The following PLEKHH2 variants were observed in gnomAD, a reference collection of about 807,000 sequenced individuals.
PLEKHH2 encodes the protein pleckstrin homology, MyTH4 and FERM domain containing H2.
In PLEKHH2, 129 loss-of-function variants were observed where a neutral mutation model predicts 187.9. The ratio of observed to expected loss-of-function variants is 0.69; its 90% CI spans 0.59 to 0.79. The LOEUF (loss-of-function observed/expected upper bound fraction) is 0.79. Ranked by LOEUF, PLEKHH2 falls within the 30% of genes least tolerant of loss-of-function variation. The probability of loss-of-function intolerance (pLI) is 0.00; values close to 1 mark genes in which losing one functional copy is unlikely to be tolerated. For missense variants in PLEKHH2, 2,076 were observed against 1,751.2 expected (o/e 1.19, Z -3.31); for synonymous variants, 686 against 605.6 (o/e 1.13, Z -1.95).
At chr2:43,747,092 G>GTCTCTCTCTCTCTCTCTCTCTCTC (rs539728000) in intron 24 of PLEKHH2, among the ~76,000 whole-genome samples, 1 of 130,748 alleles carries the variant, frequency 7.6e-6, no homozygotes, top group Non-Finnish European at 1.7e-5. Flanking sequence ...CTTTCTTTCT[G>GTCTCTCTCTCTCTCTCTCTCTCTC]TCTCTCTCTC....
chr2:43,764,334 A>C lies in PLEKHH2; in HGVS notation c.4265A>C (p.Glu1422Ala). ...NNTHSKDKPT[E>A]KLLFAMAKPK... ...ACACATTCAAAGGACAAACCAACAG[A>C]GAAATTACTTTTTGCCATGGCAAAA... The change falls in exon 29 of 30, where the codon GAG (glutamate) becomes GCG (alanine). Residue 1422 changes from glutamate (E) to alanine (A), a missense_variant. Transcript: ENST00000282406. 1 of 1,612,838 alleles carries C rather than the reference A, an allele frequency of 6.2e-7. No homozygotes were observed.
chr2:43,743,020 T>A lies in PLEKHH2; in HGVS notation c.3399+102T>A, dbSNP rs1671640191. 1.7e-5 allele frequency: 15 copies of A among 873,386 alleles called. No individual in the cohort carries two copies. In the South Asian group the frequency reaches 4.7e-4, roughly 28 times the overall value. The allele number at this position is 873,386 out of a possible 1,614,324, so 54.1% of individuals were successfully genotyped here. Reference sequence around the variant, plus strand: ...GCTTACTTTTGTCAGCACCTGGCAGTGACAAACATGCAAATATATTAGATT... The same window carrying A: ...GCTTACTTTTGTCAGCACCTGGCAGAGACAAACATGCAAATATATTAGATT... On this transcript the variant is annotated intron_variant, in intron 22 of 29. Coordinates refer to ENST00000282406, the MANE Select transcript of PLEKHH2 (RefSeq NM_172069.4).
At chr2:43,718,109 A>G (rs1196365238) in intron 15 of PLEKHH2, among the ~76,000 whole-genome samples, 1 of 152,152 alleles carries the variant, frequency 6.6e-6, no homozygotes, top group Non-Finnish European at 1.5e-5. Flanking sequence ...AATAGAAACT[A>G]CCTTTGTCAT....
chr2:43,700,442 A>AC lies in PLEKHH2; in HGVS notation c.1485dup (p.Ser496GlnfsTer13). 1 of 1,614,082 alleles carries AC rather than the reference A, an allele frequency of 6.2e-7. No individual in the cohort carries two copies. The highest frequency in any genetic ancestry group is 8.5e-7 in the Non-Finnish European group (1 of 1,180,004). ...ACTGATCTTGATCTAGTTGATGGAG[A>AC]CAGTACAGAAGTTTTAGAGAATATG... On this transcript the variant is annotated frameshift_variant, in exon 8 of 30. Coordinates refer to ENST00000282406, the MANE Select transcript of PLEKHH2 (RefSeq NM_172069.4). LOFTEE classifies it high-confidence loss of function.
intron 2 of PLEKHH2, among the ~76,000 whole-genome samples, chr2:43,674,909 C>T (rs1023516024): frequency 5.9e-5 from 9 of 151,320 alleles, no homozygotes; most frequent in African/African-American, 1.5e-4. Context: ...CACTTGAACC[C>T]GGGAGGCGGA....
Position 43,765,631 on chromosome 2 carries a change from C to T in PLEKHH2, c.*33C>T, listed in dbSNP as rs757774289. The T allele has an allele frequency of 2.5e-6, 4 of 1,598,014 alleles. No individual in the cohort carries two copies. The highest frequency in any genetic ancestry group is 2.3e-5 in the South Asian group (2 of 88,586). ...GGAGCCTGAACATTCACTCCTTGTC[C>T]TCCATGCTGTGGCTGTATCAGCTCC... On this transcript the variant is annotated 3_prime_UTR_variant, in exon 30 of 30. Transcript: ENST00000282406.
At chr2:43,745,274 C>T (rs964301911) in intron 23 of PLEKHH2, among the ~76,000 whole-genome samples, 4 of 152,092 alleles carry the variant, frequency 2.6e-5, no homozygotes, top group African/African-American at 4.8e-5. Context: ...TGAGATCGTG[C>T]CACTGTACTT....
chr2:43,704,831 A>T (rs1572588750), intron 9 of PLEKHH2, among the ~76,000 whole-genome samples: 1 of 152,060 alleles, frequency 6.6e-6, no homozygotes, highest in South Asian at 2.1e-4. Context: ...ACTTTCAAAA[A>T]ATGATTTCTA....
intron 3 of PLEKHH2, chr2:43,681,674 A>G (rs907438745): frequency 1.0e-5 from 6 of 588,208 alleles, no homozygotes; most frequent in Non-Finnish European, 1.8e-5. Context: ...TCACTCAACC[A>G]AACGCTCTTA....
At chr2:43,704,444 G>A (rs1041417089) in intron 9 of PLEKHH2, among the ~76,000 whole-genome samples, 5 of 152,052 alleles carry the variant, frequency 3.3e-5, no homozygotes, top group Admixed American at 1.3e-4. Context: ...GACAGATCAC[G>A]AAGTCAGGAG....
At position 43,644,695 on chromosome 2, in the gene PLEKHH2, G is replaced by T. The variant is rs1318299375; in HGVS notation, c.22G>T (p.Glu8Ter). 1 of 1,602,486 alleles carries T rather than the reference G, an allele frequency of 6.2e-7. No individual in the cohort carries two copies. Among genetic ancestry groups the T allele is most frequent in the Non-Finnish European group, 8.5e-7 (1 of 1,173,314 alleles). Residue 8 changes from glutamate to a stop codon, truncating the protein, a stop_gained, in exon 2 of 30, where the codon GAG becomes TAG. Transcript: ENST00000282406. LOFTEE classifies it high-confidence loss of function. ...GAATATGGCAGAGCTTTCTGAGCCAGAGGGACCAGTAGATTGGAAGGAACG... is the reference window on the plus strand; with the variant it reads ...GAATATGGCAGAGCTTTCTGAGCCATAGGGACCAGTAGATTGGAAGGAACG... MAELSEP[E>*]GPVDWKERCV...
intron 2 of PLEKHH2, among the ~76,000 whole-genome samples, chr2:43,667,788 G>A (rs1161493630): frequency 1.3e-5 from 2 of 152,106 alleles, no homozygotes; most frequent in East Asian, 1.9e-4. Flanking sequence ...GATTGGGAGA[G>A]TACAATGGGG....
chr2:43,746,381 T>A (rs955534719), intron 24 of PLEKHH2, among the ~76,000 whole-genome samples: 1 of 151,820 alleles, frequency 6.6e-6, no homozygotes, highest in Non-Finnish European at 1.5e-5. Context: ...CATGGTGGCA[T>A]GTGCCTGTAA....
intron 2 of PLEKHH2, among the ~76,000 whole-genome samples, chr2:43,647,619 C>T (rs759979145): frequency 7.2e-5 from 11 of 152,176 alleles, no homozygotes; most frequent in East Asian, 5.8e-4. Context: ...CAATGCAAAC[C>T]GTATGGCATT....
intron 2 of PLEKHH2, among the ~76,000 whole-genome samples, chr2:43,677,503 A>G (rs532536792): frequency 1.3e-5 from 2 of 152,170 alleles, no homozygotes. Flanking sequence ...TTCAGAGAGC[A>G]CAGGGTTGGG....
chr2:43,678,603 G>A (rs868384843), intron 2 of PLEKHH2, among the ~76,000 whole-genome samples: 58 of 152,050 alleles, frequency 3.8e-4, no homozygotes, highest in Non-Finnish European at 5.4e-4. Flanking sequence ...GCAGGCACTC[G>A]GCAGGCTGAG....
In PLEKHH2 at chr2:43,668,863, C is replaced by T. The variant is rs184768302; in HGVS notation, c.124-10000C>T. ...AATTTGTGTTTCCACAGTTGTTACCCGAAGAGTTAATTAGCTTTGAGTCTG... is the reference window on the plus strand; with the variant it reads ...AATTTGTGTTTCCACAGTTGTTACCTGAAGAGTTAATTAGCTTTGAGTCTG... On this transcript the variant is annotated intron_variant, in intron 2 of 29. Coordinates refer to ENST00000282406, the MANE Select transcript of PLEKHH2 (RefSeq NM_172069.4). Among the ~76,000 whole-genome samples the T allele has an allele frequency of 9.2e-5, 14 of 152,238 alleles. No homozygotes were observed. The East Asian group carries it at 2.1e-3, about 23-fold the overall frequency.
At chr2:43,738,762 T>C (rs563115786) in intron 20 of PLEKHH2, among the ~76,000 whole-genome samples, 11 of 152,338 alleles carry the variant, frequency 7.2e-5, no homozygotes, top group African/African-American at 2.6e-4. Context: ...TGCATACTAC[T>C]TTTTTAAACT....
In PLEKHH2 at chr2:43,704,013, T is replaced by G. The variant is rs1274567708; in HGVS notation, c.1683T>G (p.Gly561=). 6.2e-7 allele frequency: 1 copy of G among 1,603,960 alleles called. No individual in the cohort carries two copies. The highest frequency in any genetic ancestry group is 1.1e-5 in the South Asian group (1 of 90,814). Residue 561 remains glycine (G), a synonymous_variant, in exon 9 of 30, where the codon GGT becomes GGG. Coordinates refer to ENST00000282406, the MANE Select transcript of PLEKHH2 (RefSeq NM_172069.4). The part of the protein sequence containing the change: ...ESRIYAVAKS[G]IRMSEAFNME... The stretch of plus-strand genomic sequence containing the variant: ...GAATTTATGCTGTAGCCAAATCAGG[T>G]ATTCGAATGTCTGAGGCCTTCAATA...
Sources: allele counts gnomAD v4.1 joint callset (sites outside exome capture counted in the v4.1 genomes callset), GRCh38; gene constraint gnomAD v4.1.1; transcripts MANE v1.5; gene names NCBI Gene and HGNC (gene_info 2026-07-23, HGNC 2026-07-21).